The following ZNF326 variants were observed in gnomAD, a reference collection of about 807,000 sequenced individuals.
ZNF326 encodes DBIRD complex subunit ZNF326.
Under a neutral mutation model 63.1 loss-of-function variants are expected in ZNF326, and 30 were observed. The ratio of observed to expected loss-of-function variants is 0.48; its 90% CI spans 0.36 to 0.64. The LOEUF (loss-of-function observed/expected upper bound fraction) is 0.64, where lower values mean the gene tolerates loss of function less well. ZNF326 is among the 30% of genes least tolerant of loss of function. The pLI is 0.00. For missense variants in ZNF326, 609 were observed against 720.3 expected (o/e 0.85, Z 1.77); for synonymous variants, 194 against 228.2 (o/e 0.85, Z 1.35).
At chr1:90,002,174 T>C (rs933340939) in intron 2 of ZNF326, among the ~76,000 whole-genome samples, 1 of 152,196 alleles carries the variant, frequency 6.6e-6, no homozygotes, top group Non-Finnish European at 1.5e-5. Context: ...TTGTATACAA[T>C]ATAAAGACTT....
rs768963507 is a variant in ZNF326, at chr1:90,007,384, G to T, written c.249G>T (p.Leu83=). Residue 83 remains leucine, a synonymous_variant, in exon 5 of 12, where the codon CTG becomes CTT. Coordinates refer to ENST00000340281, the MANE Select transcript of ZNF326 (RefSeq NM_182976.4). The surrounding 1 kb of genome is among the most constrained non-coding windows in gnomAD (Gnocchi z 4.9). ...AGTCTTACGACTCCAGGTCTTCTCT[G>T]GGTGGGCGAGATCTGTACAGATCTG... ...PYESYDSRSS[L]GGRDLYRSGY... 1 of 1,612,562 alleles carries T rather than the reference G, an allele frequency of 6.2e-7. No homozygotes were observed. Among genetic ancestry groups the T allele is most frequent in the South Asian group, 1.1e-5 (1 of 90,896 alleles).
rs1422729764 is a variant in ZNF326, at chr1:90,029,764, G to A, written c.*2063G>A. 6.6e-6 allele frequency: 1 copy of A among 151,726 alleles called. No homozygotes were observed. The highest frequency in any genetic ancestry group is 1.5e-5 in the Non-Finnish European group (1 of 67,962). The allele number at this position is 151,726 out of a possible 1,614,324, so 9.4% of individuals were successfully genotyped here. A position where few individuals can be genotyped will look rare whatever the true frequency, so the allele number is the denominator to read the frequency against. On this transcript the variant is annotated 3_prime_UTR_variant, in exon 12 of 12. Transcript: ENST00000340281. ...AACATCTAAATAGTACTTTTTTGTG[G>A]GACGCATGAGCCTTTATACAGCCTA...
chr1:90,032,183 T>C lies in ZNF326; in HGVS notation c.*4482T>C, dbSNP rs978907253. ...CCCTTCTTCTTTCCCAGTCCTCTAA[T>C]TCCCAGAGGTCTGTTGTGAATTCTA... On this transcript the variant is annotated 3_prime_UTR_variant, in exon 12 of 12. Transcript: ENST00000340281. The C allele has an allele frequency of 4.6e-5, 7 of 152,232 alleles. No homozygotes were observed. The highest frequency in any genetic ancestry group is 1.0e-4 in the Non-Finnish European group (7 of 68,042). The allele number at this position is 152,232 out of a possible 1,614,324, so 9.4% of individuals were successfully genotyped here. A position where few individuals can be genotyped will look rare whatever the true frequency, so the allele number is the denominator to read the frequency against.
At chr1:90,014,135 G>A (rs2101075114) in intron 7 of ZNF326, among the ~76,000 whole-genome samples, 1 of 151,976 alleles carries the variant, frequency 6.6e-6, no homozygotes, top group African/African-American at 2.4e-5. Flanking sequence ...CTCCTCATAT[G>A]ACACCTGGAA....
At position 90,007,885 on chromosome 1, in the gene ZNF326, AT is replaced by A. The variant is rs1649061387; in HGVS notation, c.615+140del. 2.2e-6 allele frequency: 2 copies of A among 888,976 alleles called. No individual in the cohort carries two copies. Among genetic ancestry groups the A allele is most frequent in the Non-Finnish European group, 3.0e-6 (2 of 660,708 alleles). 55.1% of individuals were successfully genotyped at this position (888,976 alleles called of 1,614,324 possible). A position where few individuals can be genotyped will look rare whatever the true frequency, so the allele number is the denominator to read the frequency against. On this transcript the variant is annotated intron_variant, in intron 5 of 11. Transcript: ENST00000340281. This position sits in a 1 kb window ranked among gnomAD's most constrained non-coding sequence, Gnocchi z 4.9. ...AAGCAAAAGCTGAGTCATAAACATA[AT>A]TTTTAGGTTGACTGTAAAAGTTTTT...
intron 2 of ZNF326, among the ~76,000 whole-genome samples, chr1:90,000,186 G>A (rs759476612): frequency 4.6e-5 from 7 of 152,000 alleles, no homozygotes; most frequent in Admixed American, 1.3e-4. Flanking sequence ...GAAGACTTAC[G>A]GGCTTTAAGA....
At chr1:90,005,557 G>A (rs1275316719) in intron 4 of ZNF326, 15 of 934,798 alleles carry the variant, frequency 1.6e-5, no homozygotes, top group Non-Finnish European at 1.8e-5. Context: ...CCTGAAAAAT[G>A]ATATAAAAAT....
chr1:90,031,899 A>G lies in ZNF326; in HGVS notation c.*4198A>G, dbSNP rs1650294218. On this transcript the variant is annotated 3_prime_UTR_variant, in exon 12 of 12. Coordinates refer to ENST00000340281, the MANE Select transcript of ZNF326 (RefSeq NM_182976.4). The stretch of plus-strand genomic sequence containing the variant: ...TACAGTTTGACACCTGTTGATGGAC[A>G]GAAAATGGAGTAACCGTCCAGGCAG... 6.6e-6 allele frequency: 1 copy of G among 152,228 alleles called. No individual in the cohort carries two copies. The highest frequency in any genetic ancestry group is 6.5e-5 in the Admixed American group (1 of 15,276). 9.4% of individuals were successfully genotyped at this position (152,228 alleles called of 1,614,324 possible).
intron 8 of ZNF326, 73 bp downstream of exon 8, chr1:90,017,537 C>T (rs1649562480): frequency 7.5e-7 from 1 of 1,334,498 alleles, no homozygotes; most frequent in Non-Finnish European, 1.0e-6. Flanking sequence ...TTCACTCTCC[C>T]CATCTCTCAC....
chr1:90,004,798 CTT>C (rs34878438), intron 2 of ZNF326, among the ~76,000 whole-genome samples: 7 of 68,124 alleles, frequency 1.0e-4, no homozygotes, highest in Admixed American at 2.1e-4. Context: ...AATATCAGGG[CTT>C]TTTTTTTTTT....
chr1:90,027,486 G>A lies in ZNF326; in HGVS notation c.1534G>A (p.Val512Met). ...DEDEEEEAEE[V>M]GEVEEVEEVE... ...AGATGAGGAAGAAGAAGCAGAGGAA[G>A]TGGGGGAAGTAGAGGAAGTGGAAGA... is the stretch of plus-strand genomic sequence containing the variant. Residue 512 changes from valine to methionine, a missense_variant, in exon 12 of 12, where the codon GTG (valine) becomes ATG (methionine). By Grantham distance (21) the Val-to-Met change is conservative. This residue lies in a region of ZNF326 where 399 missense variants were observed against 444.3 expected (regional missense o/e 0.90). Coordinates refer to ENST00000340281, the MANE Select transcript of ZNF326 (RefSeq NM_182976.4). 1.2e-6 allele frequency: 2 copies of A among 1,613,652 alleles called. No homozygotes were observed. The highest frequency in any genetic ancestry group is 1.7e-6 in the Non-Finnish European group (2 of 1,179,792).
intron 8 of ZNF326, among the ~76,000 whole-genome samples, chr1:90,018,466 T>C (rs1201263039): frequency 6.6e-6 from 1 of 152,194 alleles, no homozygotes; most frequent in African/African-American, 2.4e-5. Context: ...CTTTGATCCC[T>C]TTCTCTATAT....
Position 90,017,457 on chromosome 1 carries a change from T to C in ZNF326, c.1067T>C (p.Phe356Ser). ...QTKFDKVVME[F>S]LHECMVNKFK... Reference sequence around the variant, plus strand: ...AAATTTGATAAAGTAGTTATGGAGTTTTTGCATGTGAGTAGCTGTTTTTGA... The same window carrying C: ...AAATTTGATAAAGTAGTTATGGAGTCTTTGCATGTGAGTAGCTGTTTTTGA... The change falls in exon 8 of 12, where the codon TTT becomes TCT. Residue 356 changes from phenylalanine (F) to serine (S), a missense_variant. By Grantham distance (155) the Phe-to-Ser change is radical. Transcript: ENST00000340281. 1 of 1,582,842 alleles carries C rather than the reference T, an allele frequency of 6.3e-7. No homozygotes were observed. Among genetic ancestry groups the C allele is most frequent in the Non-Finnish European group, 8.5e-7 (1 of 1,171,150 alleles).
rs1223697470 is a variant in ZNF326, at chr1:90,031,766, G to A, written c.*4065G>A. The A allele has an allele frequency of 6.6e-6, 1 of 152,072 alleles. No homozygotes were observed. The highest frequency in any genetic ancestry group is 1.5e-5 in the Non-Finnish European group (1 of 68,032). 9.4% of individuals were successfully genotyped at this position (152,072 alleles called of 1,614,324 possible). A position where few individuals can be genotyped will look rare whatever the true frequency, so the allele number is the denominator to read the frequency against. On this transcript the variant is annotated 3_prime_UTR_variant, in exon 12 of 12. Coordinates refer to ENST00000340281, the MANE Select transcript of ZNF326 (RefSeq NM_182976.4). ...ATAGAGATGGGGTTTCATTATATTG[G>A]TTAGGTTGGTCTTGAACTCCTGACC...
chr1:90,026,011 G>A (rs1044864559), intron 11 of ZNF326, among the ~76,000 whole-genome samples: 2 of 150,120 alleles, frequency 1.3e-5, no homozygotes, highest in East Asian at 3.9e-4. Context: ...GTGTCGCCCA[G>A]GCCATGCAGT....
At chr1:90,020,544 G>T (rs1397847587) in intron 9 of ZNF326, among the ~76,000 whole-genome samples, 1 of 151,986 alleles carries the variant, frequency 6.6e-6, no homozygotes, top group Non-Finnish European at 1.5e-5. Context: ...ACAGGCCTCA[G>T]AGCATGGTTG....
Position 90,007,451 on chromosome 1 carries a change from A to G in ZNF326, c.316A>G (p.Ser106Gly). 1 of 1,614,054 alleles carries G rather than the reference A, an allele frequency of 6.2e-7. No homozygotes were observed. The highest frequency in any genetic ancestry group is 8.5e-7 in the Non-Finnish European group (1 of 1,180,006). Reference protein sequence around the residue: ...NEPEQSRFGGSYGGRFESSYR... With the variant: ...NEPEQSRFGGGYGGRFESSYR... ...ACCCGAACAAAGCCGCTTCGGAGGT[A>G]GTTATGGTGGTCGATTTGAGAGCTC... Residue 106 changes from serine (S) to glycine (G), a missense_variant, in exon 5 of 12, where the codon AGT becomes GGT. Transcript: ENST00000340281. The surrounding 1 kb of genome is among the most constrained non-coding windows in gnomAD (Gnocchi z 4.9).
rs1650193453 is a variant in ZNF326, at chr1:90,029,963, T to A, written c.*2262T>A. 1 of 152,240 alleles carries A rather than the reference T, an allele frequency of 6.6e-6. No individual in the cohort carries two copies. The highest frequency in any genetic ancestry group is 1.5e-5 in the Non-Finnish European group (1 of 68,046). The allele number at this position is 152,240 out of a possible 1,614,324, so 9.4% of individuals were successfully genotyped here. A position where few individuals can be genotyped will look rare whatever the true frequency, so the allele number is the denominator to read the frequency against. On this transcript the variant is annotated 3_prime_UTR_variant, in exon 12 of 12. Coordinates refer to ENST00000340281, the MANE Select transcript of ZNF326 (RefSeq NM_182976.4). ...ATTTGCATTGCTTTTGTAATAAGGATGTATATAAGATCTTAAACGCCTTTC... is the reference window on the plus strand; with the variant it reads ...ATTTGCATTGCTTTTGTAATAAGGAAGTATATAAGATCTTAAACGCCTTTC...
intron 5 of ZNF326, among the ~76,000 whole-genome samples, chr1:90,008,590 G>A (rs945867111): frequency 6.6e-6 from 1 of 152,068 alleles, no homozygotes; most frequent in African/African-American, 2.4e-5. Context: ...GCAGATTGTG[G>A]GGTTATTATA....
Sources: allele counts gnomAD v4.1 joint callset (sites outside exome capture counted in the v4.1 genomes callset), GRCh38; gene constraint gnomAD v4.1.1; regional missense constraint gnomAD v4.1.1; non-coding constraint Gnocchi (gnomAD v3.1); transcripts MANE v1.5; gene names NCBI Gene and HGNC (gene_info 2026-07-23, HGNC 2026-07-21).